LMF1: variants seen among roughly 807,000 people sequenced by gnomAD.
LMF1 encodes the protein transmembrane protein 112.
LMF1 carries 68 observed loss-of-function variants against 60.6 expected under a neutral mutation model. That is an observed-to-expected ratio of 1.12 (90% CI 0.92 to 1.37). The LOEUF is 1.37. Ranked by LOEUF, LMF1 falls within the 40% of genes most tolerant of loss-of-function variation. The pLI, the probability that LMF1 is intolerant of heterozygous loss-of-function variation, is 0.00. For missense variants in LMF1, 948 were observed against 767.2 expected (o/e 1.24, Z -2.78); for synonymous variants, 418 against 324.7 (o/e 1.29, Z -3.09).
chr16:862,557 G>A (rs1203391671), intron 10 of LMF1, among the ~76,000 whole-genome samples: 13 of 152,020 alleles, frequency 8.6e-5, no homozygotes. Context: ...AGAACCACTA[G>A]CTTCATAAAA....
intron 4 of LMF1, among the ~76,000 whole-genome samples, chr16:904,395 C>T (rs1293679866): frequency 4.6e-5 from 5 of 107,542 alleles, no homozygotes; most frequent in Non-Finnish European, 7.4e-5. Context: ...ACCTCTGCAT[C>T]GCCCACAGGA....
intron 3 of LMF1, among the ~76,000 whole-genome samples, chr16:928,117 A>G (rs72759468): frequency 0.032 from 4,931 of 152,334 alleles, 114 homozygotes; most frequent in East Asian, 0.094. Context: ...ACGCTGGGAC[A>G]GCCTGGCCGT....
At chr16:894,436 C>T (rs2070603727) in intron 4 of LMF1, among the ~76,000 whole-genome samples, 1 of 149,348 alleles carries the variant, frequency 6.7e-6, no homozygotes, top group Non-Finnish European at 1.5e-5. Flanking sequence ...CCCTGTCCAC[C>T]TGGCCGTCCG....
At position 878,056 on chromosome 16, in the gene LMF1, C is replaced by T. The variant is rs917839789; in HGVS notation, c.897+1514G>A. Reference sequence around the variant, plus strand: ...CACATGGGGTCTGGCTACACGGAACCGACTGAAGCTATTCCAGGAGCCCCC... The same window carrying T: ...CACATGGGGTCTGGCTACACGGAACTGACTGAAGCTATTCCAGGAGCCCCC... On this transcript the variant is annotated intron_variant, in intron 6 of 10. Coordinates refer to ENST00000262301, the MANE Select transcript of LMF1 (RefSeq NM_022773.4). The surrounding 1 kb of genome is among the most constrained non-coding windows in gnomAD (Gnocchi z 5.2). Among the ~76,000 whole-genome samples the T allele has an allele frequency of 4.0e-4, 61 of 152,082 alleles. No homozygotes were observed. Among genetic ancestry groups the T allele is most frequent in the South Asian group, 1.7e-3 (8 of 4,814 alleles).
At chr16:890,925 C>G (rs2070467156) in intron 5 of LMF1, among the ~76,000 whole-genome samples, 1 of 152,226 alleles carries the variant, frequency 6.6e-6, no homozygotes, top group Non-Finnish European at 1.5e-5. Context: ...CGGGCTGCCC[C>G]TGCCTGTGTG....
chr16:895,683 A>G (rs1337281742), intron 4 of LMF1, among the ~76,000 whole-genome samples: 1 of 152,142 alleles, frequency 6.6e-6, no homozygotes, highest in Non-Finnish European at 1.5e-5. Context: ...CACGTGGCTC[A>G]AGTGACCGAT....
chr16:880,223 CG>C (rs1267619729), intron 5 of LMF1, among the ~76,000 whole-genome samples: 27 of 152,220 alleles, frequency 1.8e-4, no homozygotes, highest in African/African-American at 6.5e-4. Flanking sequence ...GAATGGGGCC[CG>C]GGTCCCGAGC....
At chr16:951,265 CAG>C (rs199859290) in intron 2 of LMF1, among the ~76,000 whole-genome samples, 21 of 147,178 alleles carry the variant, frequency 1.4e-4, no homozygotes, top group African/African-American at 5.1e-4. Context: ...ACGACAGAGT[CAG>C]AGCCAACGAC....
intron 3 of LMF1, among the ~76,000 whole-genome samples, chr16:924,413 T>G (rs1458977018): frequency 6.6e-6 from 1 of 152,248 alleles, no homozygotes; most frequent in East Asian, 1.9e-4. Flanking sequence ...CATGCCCATT[T>G]TTTTTTAATA....
At chr16:940,815 C>T (rs12597498) in intron 2 of LMF1, among the ~76,000 whole-genome samples, 75,007 of 152,036 alleles carry the variant, frequency 0.49, 20,777 homozygotes, top group African/African-American at 0.75. Context: ...TCAAAGTGGC[C>T]GATAGTGCCG....
intron 3 of LMF1, among the ~76,000 whole-genome samples, chr16:923,289 G>C (rs1250985881): frequency 6.6e-6 from 1 of 152,196 alleles, no homozygotes; most frequent in Non-Finnish European, 1.5e-5. Context: ...ACGGTGCACT[G>C]TGGCCTACGA....
intron 2 of LMF1, chr16:947,617 T>G (rs1317702242): frequency 2.2e-6 from 1 of 455,722 alleles, no homozygotes; most frequent in African/African-American, 2.0e-5. Flanking sequence ...TGTCCTGACT[T>G]TGGTCCAAGT....
At chr16:952,285 TCCAGCACAGCCACAAA>T in intron 2 of LMF1, among the ~76,000 whole-genome samples, 1 of 148,944 alleles carries the variant, frequency 6.7e-6, no homozygotes, top group Non-Finnish European at 1.5e-5. Flanking sequence ...AAGTGCCCAC[TCCAGCACAGCCACAAA>T]GTGGGGACCC....
At chr16:861,542 T>C (rs2069467450) in intron 10 of LMF1, among the ~76,000 whole-genome samples, 1 of 151,952 alleles carries the variant, frequency 6.6e-6, no homozygotes, top group East Asian at 1.9e-4. Context: ...TTTTTTTTAG[T>C]AGAGACAGGG....
chr16:958,647 G>A (rs28652862), intron 1 of LMF1, among the ~76,000 whole-genome samples: 22,876 of 152,180 alleles, frequency 0.15, 1,851 homozygotes, highest in African/African-American at 0.22. Context: ...AGCGCTTTGG[G>A]AGGCCGAGGT....
At chr16:888,921 C>A in intron 5 of LMF1, among the ~76,000 whole-genome samples, 1 of 148,432 alleles carries the variant, frequency 6.7e-6, no homozygotes, top group East Asian at 1.9e-4. Context: ...GGAGCTGCAT[C>A]CCCCCTCTCC....
intron 3 of LMF1, among the ~76,000 whole-genome samples, chr16:926,285 A>C (rs2071599250): frequency 6.6e-6 from 1 of 151,318 alleles, no homozygotes; most frequent in African/African-American, 2.4e-5. Context: ...TTTGCATATG[A>C]TCTGCATACG....
At position 934,075 on chromosome 16, in the gene LMF1, A is replaced by C; in HGVS notation, c.514+169T>G. 5.9e-6 allele frequency: 9 copies of C among 1,519,520 alleles called. No homozygotes were observed. In the South Asian group the frequency reaches 1.1e-4, roughly 18 times the overall value. The allele number at this position is 1,519,520 out of a possible 1,614,324, so 94.1% of individuals were successfully genotyped here. A position where few individuals can be genotyped will look rare whatever the true frequency, so the allele number is the denominator to read the frequency against. On this transcript the variant is annotated intron_variant, in intron 3 of 10. Transcript: ENST00000262301. ...AGCCCAGGAGCTCCCACATCCAGGG[A>C]GGAGGCACGGATCAGATCACAAGCG... is the stretch of plus-strand genomic sequence containing the variant.
intron 2 of LMF1, among the ~76,000 whole-genome samples, chr16:947,934 A>G (rs2072284261): frequency 6.6e-6 from 1 of 151,768 alleles, no homozygotes; most frequent in Non-Finnish European, 1.5e-5. Context: ...AGCCAACGAC[A>G]GAGTCAGCCA....
Sources: allele counts gnomAD v4.1 joint callset (sites outside exome capture counted in the v4.1 genomes callset), GRCh38; gene constraint gnomAD v4.1.1; non-coding constraint Gnocchi (gnomAD v3.1); transcripts MANE v1.5; gene names NCBI Gene and HGNC (gene_info 2026-07-23, HGNC 2026-07-21).